The following RPL28 variants were observed in gnomAD, a reference collection of about 807,000 sequenced individuals.
The protein encoded by RPL28 is ribosomal protein L28.
In RPL28, 4 loss-of-function variants were observed where a neutral mutation model predicts 12.5. The observed-to-expected ratio is 0.32, with a 90% CI of 0.16 to 0.73. The LOEUF (loss-of-function observed/expected upper bound fraction) is 0.73. Among genes scored for constraint, RPL28 ranks in the 30% least tolerant of loss-of-function variants. RPL28 has a pLI of 0.66. For synonymous variants in RPL28, 91 were observed against 72.5 expected (o/e 1.26, Z -1.30); for missense variants, 214 against 197.7 (o/e 1.08, Z -0.49).
At chr19:55,396,109 C>G (rs960626314), downstream of RPL28, among the ~76,000 whole-genome samples, 16 of 151,536 alleles carry the variant, frequency 1.1e-4, no homozygotes, top group African/African-American at 3.9e-4. Context: ...GAAATTCCAT[C>G]TGTACAAAAA....
At chr19:55,397,332 G>A (rs909944732) in intron 4 of RPL28, among the ~76,000 whole-genome samples, 1 of 152,230 alleles carries the variant, frequency 6.6e-6, no homozygotes, top group African/African-American at 2.4e-5. Flanking sequence ...GTATGGTATT[G>A]TTTCTTAAAT....
rs375378465 is a variant in RPL28 at position 55,391,638 on chromosome 19, C to T, written c.*3306C>T. On this transcript the variant is annotated 3_prime_UTR_variant, in exon 5 of 5. Coordinates refer to ENST00000344063, the MANE Select transcript of RPL28 (RefSeq NM_000991.5). ...AAGTTCCTCAACCTCTCTGTGTCTT[C>T]GTACCCTCATCTGTAACATGCGTGT... 3.7e-4 allele frequency: 566 copies of T among 1,544,942 alleles called. No individual in the cohort carries two copies. The highest frequency in any genetic ancestry group is 4.8e-4 in the Non-Finnish European group (547 of 1,141,044).
In RPL28 at chr19:55,386,615, C is replaced by G. The variant is rs148200776; in HGVS notation, c.127C>G (p.Leu43Val). The G allele has an allele frequency of 6.2e-7, 1 of 1,613,588 alleles. No individual in the cohort carries two copies. Among genetic ancestry groups the G allele is most frequent in the African/African-American group, 1.3e-5 (1 of 74,916 alleles). Residue 43 changes from leucine (L) to valine (V), a missense_variant, in exon 3 of 5, where the codon CTG becomes GTG. Leu to Val is a conservative substitution (Grantham distance 32). Transcript: ENST00000344063. ...CCGCAATTCCTTCCGCTACAACGGACTGATTCACCGCAAGACTGTGGGCGT... is the reference window on the plus strand; with the variant it reads ...CCGCAATTCCTTCCGCTACAACGGAGTGATTCACCGCAAGACTGTGGGCGT... ...KARNSFRYNGLIHRKTVGVEP... is the reference protein window; with the variant it reads ...KARNSFRYNGVIHRKTVGVEP...
In RPL28 at chr19:55,401,584, C is replaced by A. The variant is rs749248836; in HGVS notation, c.325-1359C>A. 2.5e-6 allele frequency: 4 copies of A among 1,609,306 alleles called. No homozygotes were observed. In the South Asian group the frequency reaches 3.3e-5, roughly 13 times the overall value. Reference sequence around the variant, plus strand: ...AGGGTCGGTGGAGGAAGCTTCAGTGCCACTGGCCAGGGCCCGACCGGCTTC... The same window carrying A: ...AGGGTCGGTGGAGGAAGCTTCAGTGACACTGGCCAGGGCCCGACCGGCTTC... On this transcript the variant is annotated intron_variant, in intron 4 of 4. Transcript: ENST00000560055.
chr19:55,387,182 A>T, intron 3 of RPL28: 2 of 1,323,606 alleles, frequency 1.5e-6, no homozygotes, highest in Non-Finnish European at 2.1e-6. Flanking sequence ...TGTCAGGTGC[A>T]GGCCTTTTTG....
At position 55,390,409 on chromosome 19, in the gene RPL28, T is replaced by C. The variant is rs1398524885; in HGVS notation, c.*2077T>C. 2.1e-6 allele frequency: 2 copies of C among 936,704 alleles called. No homozygotes were observed. The highest frequency in any genetic ancestry group is 2.5e-6 in the Non-Finnish European group (2 of 786,214). The allele number at this position is 936,704 out of a possible 1,614,324, so 58.0% of individuals were successfully genotyped here. A position where few individuals can be genotyped will look rare whatever the true frequency, so the allele number is the denominator to read the frequency against. Reference sequence around the variant, plus strand: ...TAGCAGAGATGGGGTTTCACCATTTTGCCCAGGCTGGTTTGGAACTCCTGA... The same window carrying C: ...TAGCAGAGATGGGGTTTCACCATTTCGCCCAGGCTGGTTTGGAACTCCTGA... On this transcript the variant is annotated 3_prime_UTR_variant, in exon 5 of 5. Coordinates refer to ENST00000344063, the MANE Select transcript of RPL28 (RefSeq NM_000991.5).
At chr19:55,401,732 G>C (rs746917958) in intron 4 of RPL28, 1 of 1,613,370 alleles carries the variant, frequency 6.2e-7, no homozygotes, top group Admixed American at 1.7e-5. Flanking sequence ...GCAGACTCGG[G>C]GTTAGGGTGG....
chr19:55,391,523 G>A lies in RPL28; in HGVS notation c.*3191G>A, dbSNP rs1209748496. 4.0e-6 allele frequency: 6 copies of A among 1,483,356 alleles called. No homozygotes were observed. The South Asian group carries it at 7.9e-5, about 20-fold the overall frequency. The allele number at this position is 1,483,356 out of a possible 1,614,324, so 91.9% of individuals were successfully genotyped here. On this transcript the variant is annotated 3_prime_UTR_variant, in exon 5 of 5. Coordinates refer to ENST00000344063, the MANE Select transcript of RPL28 (RefSeq NM_000991.5). ...ACTCCAGACTCCCCACAGCAGCAGA[G>A]ACTCGGGACTGAGGCATCCTCTGTT...
chr19:55,394,598 A>G (rs1002266753), downstream of RPL28, among the ~76,000 whole-genome samples: 3 of 150,632 alleles, frequency 2.0e-5, no homozygotes, highest in African/African-American at 7.4e-5. Flanking sequence ...TTTAAAAAGA[A>G]TCTCACTCTG....
intron 4 of RPL28, chr19:55,399,821 T>G (rs1033821335): frequency 6.6e-6 from 1 of 152,246 alleles, no homozygotes; most frequent in South Asian, 2.1e-4. Flanking sequence ...TGCAGGCACC[T>G]TCCTTCAGCA....
In RPL28 at chr19:55,388,719, T is replaced by C. The variant is rs748143258; in HGVS notation, c.*387T>C. On this transcript the variant is annotated 3_prime_UTR_variant, in exon 5 of 5. Transcript: ENST00000344063. ...AGGGCTGGGCCCTGGGCCCTGGTGCTGTAGCACGGTTTGGGGACTTGGGGT... is the reference window on the plus strand; with the variant it reads ...AGGGCTGGGCCCTGGGCCCTGGTGCCGTAGCACGGTTTGGGGACTTGGGGT... 1.8e-4 allele frequency: 191 copies of C among 1,034,154 alleles called. No homozygotes were observed. Among genetic ancestry groups the C allele is most frequent in the Non-Finnish European group, 2.2e-4 (187 of 862,590 alleles). 64.1% of individuals were successfully genotyped at this position (1,034,154 alleles called of 1,614,324 possible).
At chr19:55,395,734 C>T (rs199952859), downstream of RPL28, among the ~76,000 whole-genome samples, 267 of 152,102 alleles carry the variant, frequency 1.8e-3, 1 homozygote, top group East Asian at 0.016. Flanking sequence ...TGAGCCACCG[C>T]GCCCAGCCTC....
downstream of RPL28, among the ~76,000 whole-genome samples, chr19:55,392,797 G>T (rs1215068628): frequency 6.6e-6 from 1 of 152,072 alleles, no homozygotes; most frequent in African/African-American, 2.4e-5. Context: ...CCAAAGTGCT[G>T]GGATTACAGG....
rs552560992 is a variant in RPL28, at chr19:55,389,079, G to C, written c.*747G>C. ...GCCACCCTGTCACCCAAGCTTTCCT[G>C]ATTGCCCAGCCCTCTTGTTTCCTTT... On this transcript the variant is annotated 3_prime_UTR_variant, in exon 5 of 5. Transcript: ENST00000344063. The C allele has an allele frequency of 2.0e-5, 20 of 985,548 alleles. No homozygotes were observed. In the African/African-American group the frequency reaches 3.0e-4, roughly 15 times the overall value. 61.1% of individuals were successfully genotyped at this position (985,548 alleles called of 1,614,324 possible).
downstream of RPL28, among the ~76,000 whole-genome samples, chr19:55,394,087 C>T (rs921060685): frequency 1.3e-5 from 2 of 151,918 alleles, no homozygotes; most frequent in Non-Finnish European, 2.9e-5. Flanking sequence ...ACAGTGAAAC[C>T]CTATCTATAC....
At chr19:55,396,875 T>C (rs530450301), downstream of RPL28, among the ~76,000 whole-genome samples, 27 of 150,510 alleles carry the variant, frequency 1.8e-4, no homozygotes, top group South Asian at 4.2e-4. Context: ...CCACGGTGCC[T>C]GGCCTCCCTT....
chr19:55,391,107 C>T lies in RPL28; in HGVS notation c.*2775C>T. On this transcript the variant is annotated 3_prime_UTR_variant, in exon 5 of 5. Coordinates refer to ENST00000344063, the MANE Select transcript of RPL28 (RefSeq NM_000991.5). ...CCCTGATAAAGTTAGTAGCTGCCCT[C>T]ATCAGAAACCAGGCCCAGGCAGTGG... The T allele has an allele frequency of 3.0e-6, 1 of 332,100 alleles. No homozygotes were observed. Among genetic ancestry groups the T allele is most frequent in the Non-Finnish European group, 4.3e-6 (1 of 231,784 alleles). The allele number at this position is 332,100 out of a possible 1,614,324, so 20.6% of individuals were successfully genotyped here.
rs1330772318 is a variant in RPL28 at position 55,390,917 on chromosome 19, A to C, written c.*2585A>C. 1 of 985,356 alleles carries C rather than the reference A, an allele frequency of 1.0e-6. No homozygotes were observed. Among genetic ancestry groups the C allele is most frequent in the Non-Finnish European group, 1.2e-6 (1 of 829,958 alleles). The allele number at this position is 985,356 out of a possible 1,614,324, so 61.0% of individuals were successfully genotyped here. A position where few individuals can be genotyped will look rare whatever the true frequency, so the allele number is the denominator to read the frequency against. On this transcript the variant is annotated 3_prime_UTR_variant, in exon 5 of 5. Transcript: ENST00000344063. ...GATGTTGGATGGGGCCATCTATTCC[A>C]GCTTTATTCACACAAATCATGTCTG...
intron 4 of RPL28, chr19:55,401,804 A>G: frequency 6.2e-7 from 1 of 1,607,764 alleles, no homozygotes; most frequent in South Asian, 1.1e-5. Flanking sequence ...CGGGCAACCT[A>G]CAGGGACCCC....
Sources: allele counts gnomAD v4.1 joint callset (sites outside exome capture counted in the v4.1 genomes callset), GRCh38; gene constraint gnomAD v4.1.1; transcripts MANE v1.5; gene names NCBI Gene and HGNC (gene_info 2026-07-23, HGNC 2026-07-21).